CDKL5: variants seen among roughly 807,000 people sequenced by gnomAD.
CDKL5 encodes the protein cyclin dependent kinase like 5, also known as cyclin-dependent kinase-like 5.
In CDKL5, 8 loss-of-function variants were observed where a neutral mutation model predicts 61.7. The ratio of observed to expected loss-of-function variants is 0.13; its 90% CI spans 0.08 to 0.23. CDKL5 has a LOEUF of 0.23. CDKL5 is among the 10% of genes least tolerant of loss of function. The pLI is 1.00. For missense variants in CDKL5, 440 were observed against 734.5 expected (o/e 0.60, Z 4.63); for synonymous variants, 275 against 272.3 (o/e 1.01, Z -0.10).
chrX:18,516,283 CG>C (rs1224178428), intron 3 of CDKL5, among the ~76,000 whole-genome samples: 7 of 97,315 alleles, frequency 7.2e-5, no homozygotes, highest in Admixed American at 2.2e-4. Context: ...GCCTGGCCTA[CG>C]TTTTTTTTTT....
In CDKL5 at chrX:18,613,150, A is replaced by G. The variant is rs1282280118; in HGVS notation, c.2153-2A>G. 1.7e-6 allele frequency: 2 copies of G among 1,168,653 alleles called. No individual in the cohort carries two copies. The highest frequency in any genetic ancestry group is 2.3e-6 in the Non-Finnish European group (2 of 867,353). ...TCAGTGACTTACTTTTTCTTTATTC[A>G]GTGCCATCTCCACGTCCAGACAATT... On this transcript the variant is annotated splice_acceptor_variant, in intron 14 of 17. Coordinates refer to ENST00000623535, the MANE Select transcript of CDKL5 (RefSeq NM_001323289.2). LOFTEE classifies it high-confidence loss of function.
At chrX:18,457,997 T>G (rs1932188082) in intron 1 of CDKL5, among the ~76,000 whole-genome samples, 2 of 96,688 alleles carry the variant, frequency 2.1e-5, no homozygotes, top group East Asian at 7.0e-4. Context: ...CTCGACTCAC[T>G]GGAACCTCCG....
At chrX:18,643,182 T>C (rs1158254560), downstream of CDKL5, among the ~76,000 whole-genome samples, 1 of 111,783 alleles carries the variant, frequency 8.9e-6, no homozygotes, top group East Asian at 2.8e-4. Flanking sequence ...TTTGACGCCA[T>C]TTCCAAAGAA....
At position 18,527,856 on chromosome X, in the gene CDKL5, T is replaced by C. The variant is rs142890990; in HGVS notation, c.99+17002T>C. The stretch of plus-strand genomic sequence containing the variant: ...GCACTTGATGCTATAAACTTTTCTC[T>C]AAGTGCTGCTTTCATAGTATTGCAC... On this transcript the variant is annotated intron_variant, in intron 3 of 17. Transcript: ENST00000623535. 7.1e-3 allele frequency among the ~76,000 whole-genome samples: 801 copies of C among 112,245 alleles called. 5 individuals are homozygous for C. The highest frequency in any genetic ancestry group is 0.011 in the Non-Finnish European group (609 of 53,233).
At chrX:18,581,777 C>CTATTCAA in intron 6 of CDKL5, 114 bp from the exon 7 acceptor site, 1 of 471,576 alleles carries the variant, frequency 2.1e-6, no homozygotes, top group Admixed American at 3.5e-5. Flanking sequence ...CCACAGTTTT[C>CTATTCAA]TATTCAAATT....
chrX:18,452,490 A>G (rs1329586454), intron 1 of CDKL5, among the ~76,000 whole-genome samples: 1 of 110,137 alleles, frequency 9.1e-6, no homozygotes, highest in Non-Finnish European at 1.9e-5. Context: ...CAGTGGTGCA[A>G]TCTTGGCTCA....
intron 3 of CDKL5, among the ~76,000 whole-genome samples, chrX:18,513,873 A>C (rs1332468500): frequency 8.0e-5 from 9 of 111,848 alleles, no homozygotes; most frequent in African/African-American, 2.9e-4. Context: ...TTATAATTAA[A>C]AATGTATGTA....
chrX:18,510,961 T>C (rs1922806202), intron 3 of CDKL5, 107 bp downstream of exon 3: 1 of 582,996 alleles, frequency 1.7e-6, no homozygotes, highest in South Asian at 2.8e-5. Context: ...ATTCCTTATC[T>C]GAAATGCTTG....
intron 2 of CDKL5, among the ~76,000 whole-genome samples, chrX:18,510,545 G>A (rs1255942639): frequency 8.9e-6 from 1 of 112,400 alleles, no homozygotes; most frequent in African/African-American, 3.2e-5. Flanking sequence ...CTCCATAAAT[G>A]TGTAACCCTA....
At chrX:18,519,027 G>C (rs1160534077) in intron 3 of CDKL5, among the ~76,000 whole-genome samples, 1 of 110,899 alleles carries the variant, frequency 9.0e-6, no homozygotes, top group Non-Finnish European at 1.9e-5. Context: ...AGAATCCTTG[G>C]TGTAGTAATG....
intron 1 of CDKL5, among the ~76,000 whole-genome samples, chrX:18,459,330 C>T (rs1008727441): frequency 9.0e-6 from 1 of 110,698 alleles, no homozygotes; most frequent in African/African-American, 3.3e-5. Context: ...CTGAGGCAGG[C>T]GGACCACCTG....
intron 3 of CDKL5, among the ~76,000 whole-genome samples, chrX:18,531,847 C>A (rs866575624): frequency 1.8e-5 from 2 of 108,139 alleles, no homozygotes; most frequent in Middle Eastern, 9.2e-3. Context: ...GCTGGGACTA[C>A]AGGCGCCTGC....
intron 17 of CDKL5, chrX:18,626,723 T>TC (rs1485757216): frequency 6.0e-5 from 1 of 16,545 alleles, no homozygotes; most frequent in Admixed American, 1.1e-3. Flanking sequence ...TCTCTCTCTC[T>TC]CCCCCCTCTC....
At chrX:18,496,071 A>G (rs1922160012) in intron 1 of CDKL5, among the ~76,000 whole-genome samples, 1 of 112,355 alleles carries the variant, frequency 8.9e-6, no homozygotes, top group Admixed American at 9.5e-5. Context: ...TTGATGATTG[A>G]TCATTTTGTT....
intron 1 of CDKL5, among the ~76,000 whole-genome samples, chrX:18,448,278 A>G (rs182039286): frequency 8.5e-4 from 95 of 111,880 alleles, no homozygotes; most frequent in African/African-American, 3.1e-3. Flanking sequence ...ATAAAATATG[A>G]TTTAGGTCAT....
intron 2 of CDKL5, among the ~76,000 whole-genome samples, chrX:18,507,924 C>T (rs1179521427): frequency 1.8e-5 from 2 of 111,591 alleles, no homozygotes; most frequent in South Asian, 3.7e-4. Context: ...GTTTAATTGG[C>T]AGCATTCTCC....
rs1386495499 is a variant in CDKL5 at position 18,637,376 on chromosome X, ACT to A, written c.*8622_*8623del. ...CACTCCAGCCTGGCAACAGAGCGAGACTCTGTCTCAAAAAAAAAAAAAAAAAA... is the reference window on the plus strand; with the variant it reads ...CACTCCAGCCTGGCAACAGAGCGAGACTGTCTCAAAAAAAAAAAAAAAAAA... On this transcript the variant is annotated 3_prime_UTR_variant, in exon 18 of 18. Transcript: ENST00000623535. 2 of 88,150 alleles carry A rather than the reference ACT, an allele frequency of 2.3e-5. No individual in the cohort carries two copies. Among genetic ancestry groups the A allele is most frequent in the Admixed American group, 2.6e-4 (2 of 7,730 alleles). The allele number at this position is 88,150 out of a possible 1,213,427, so 7.3% of individuals were successfully genotyped here. A position where few individuals can be genotyped will look rare whatever the true frequency, so the allele number is the denominator to read the frequency against.
At chrX:18,481,477 A>G (rs1050661248) in intron 1 of CDKL5, among the ~76,000 whole-genome samples, 2 of 105,146 alleles carry the variant, frequency 1.9e-5, no homozygotes, top group Non-Finnish European at 3.9e-5. Context: ...CTCAGCCTCC[A>G]GAGTAACTGG....
intron 1 of CDKL5, among the ~76,000 whole-genome samples, chrX:18,459,527 A>T (rs1932226265): frequency 1.9e-5 from 2 of 108,016 alleles, no homozygotes; most frequent in Non-Finnish European, 3.8e-5. Context: ...GCGCCACTGC[A>T]CTCCGGCCTG....
Sources: allele counts gnomAD v4.1 joint callset (sites outside exome capture counted in the v4.1 genomes callset), GRCh38; gene constraint gnomAD v4.1.1; transcripts MANE v1.5; gene names NCBI Gene and HGNC (gene_info 2026-07-23, HGNC 2026-07-21).